Variants in CIMIP6 observed in about 807,000 individuals in gnomAD.
CIMIP6 encodes the protein uncharacterized protein C2orf73.
At chr2:54,357,717 T>C in the CIMIP6 span, among the ~76,000 whole-genome samples, 14 of 151,308 alleles carry the variant, frequency 9.3e-5, no homozygotes, top group Admixed American at 2.0e-4. Flanking sequence ...GCTGGGACTA[T>C]AGGCGTTCAC....
the CIMIP6 span, among the ~76,000 whole-genome samples, chr2:54,349,104 C>T: frequency 6.6e-6 from 1 of 152,152 alleles, no homozygotes; most frequent in South Asian, 2.1e-4. Context: ...TTTCAATGTT[C>T]TTTTGAATTG....
the CIMIP6 span, among the ~76,000 whole-genome samples, chr2:54,333,074 G>A: frequency 1.9e-3 from 282 of 152,274 alleles, 2 homozygotes; most frequent in African/African-American, 5.8e-3. Context: ...ATATGTAAAT[G>A]TTATAATGGC....
At chr2:54,364,499 T>C in the CIMIP6 span, among the ~76,000 whole-genome samples, 1 of 152,168 alleles carries the variant, frequency 6.6e-6, no homozygotes, top group Non-Finnish European at 1.5e-5. Flanking sequence ...CTTATAATAA[T>C]CCTATGAAGC....
At chr2:54,331,543 C>T in the CIMIP6 span, among the ~76,000 whole-genome samples, 1 of 152,044 alleles carries the variant, frequency 6.6e-6, no homozygotes. Flanking sequence ...CACAACACGC[C>T]CCTTACCGTT....
At chr2:54,345,235 GAC>G in the CIMIP6 span, among the ~76,000 whole-genome samples, 1 of 152,122 alleles carries the variant, frequency 6.6e-6, no homozygotes, top group South Asian at 2.1e-4. Context: ...AAGACCCTAA[GAC>G]ACAGAAAGAA....
chr2:54,331,198 G>A, the CIMIP6 span, among the ~76,000 whole-genome samples: 3 of 152,130 alleles, frequency 2.0e-5, no homozygotes, highest in African/African-American at 7.2e-5. Context: ...GTGTGTCAGG[G>A]ACTTGACTTG....
chr2:54,363,514 A>G, the CIMIP6 span, among the ~76,000 whole-genome samples: 1 of 152,156 alleles, frequency 6.6e-6, no homozygotes, highest in Non-Finnish European at 1.5e-5. Flanking sequence ...ACCTCTTCAT[A>G]TTCATTGACT....
the CIMIP6 span, among the ~76,000 whole-genome samples, chr2:54,366,328 G>T: frequency 6.6e-6 from 1 of 152,144 alleles, no homozygotes; most frequent in Non-Finnish European, 1.5e-5. Context: ...AAAATGCAAG[G>T]ATCCTTGAGC....
At chr2:54,376,801 C>A in the CIMIP6 span, among the ~76,000 whole-genome samples, 1,136 of 152,306 alleles carry the variant, frequency 7.5e-3, 8 homozygotes, top group Non-Finnish European at 0.011. Flanking sequence ...CACTGAGGCC[C>A]AGGAAGCTGA....
At chr2:54,365,228 C>G in the CIMIP6 span, among the ~76,000 whole-genome samples, 3 of 152,066 alleles carry the variant, frequency 2.0e-5, no homozygotes, top group Non-Finnish European at 4.4e-5. Context: ...GAGTGGGGTC[C>G]AGTGTGTATT....
At chr2:54,369,818 G>C in the CIMIP6 span, among the ~76,000 whole-genome samples, 1 of 152,176 alleles carries the variant, frequency 6.6e-6, no homozygotes, top group African/African-American at 2.4e-5. Flanking sequence ...GGGGCATGAA[G>C]GGCATCCCCA....
chr2:54,336,709 A>G, the CIMIP6 span, among the ~76,000 whole-genome samples: 1 of 152,212 alleles, frequency 6.6e-6, no homozygotes, highest in Admixed American at 6.5e-5. Context: ...GGCAGCATGC[A>G]AGGCAGGGTA....
chr2:54,339,848 C>A, the CIMIP6 span: 1 of 218,686 alleles, frequency 4.6e-6, no homozygotes, highest in Non-Finnish European at 6.6e-6. Context: ...ACTAGTTCCT[C>A]TAGGATACTT....
At chr2:54,348,599 A>T in the CIMIP6 span, among the ~76,000 whole-genome samples, 1 of 152,208 alleles carries the variant, frequency 6.6e-6, no homozygotes, top group Admixed American at 6.5e-5. Context: ...CCTGCAATTT[A>T]TTCATATTTC....
chr2:54,336,884 C>A, the CIMIP6 span, among the ~76,000 whole-genome samples: 61 of 152,268 alleles, frequency 4.0e-4, no homozygotes, highest in African/African-American at 1.4e-3. Context: ...AACATTAGCT[C>A]TTAGTAGCAG....
chr2:54,352,792 T>G, the CIMIP6 span, among the ~76,000 whole-genome samples: 1 of 152,236 alleles, frequency 6.6e-6, no homozygotes, highest in Non-Finnish European at 1.5e-5. Flanking sequence ...CTTAATACAA[T>G]GTAAATGCCA....
chr2:54,369,995 C>T, the CIMIP6 span, among the ~76,000 whole-genome samples: 1 of 152,164 alleles, frequency 6.6e-6, no homozygotes, highest in South Asian at 2.1e-4. Context: ...TAGTGGCTCA[C>T]ACCTGTAATT....
At chr2:54,341,318 CT>C in the CIMIP6 span, among the ~76,000 whole-genome samples, 1 of 152,150 alleles carries the variant, frequency 6.6e-6, no homozygotes, top group African/African-American at 2.4e-5. Flanking sequence ...GTTTTGTCCC[CT>C]GTTGCCCTCT....
chr2:54,356,281 G>T, the CIMIP6 span, among the ~76,000 whole-genome samples: 6 of 152,168 alleles, frequency 3.9e-5, no homozygotes, highest in Non-Finnish European at 8.8e-5. Context: ...TCATCAGCTC[G>T]TTATCCTGGA....
Sources: allele counts gnomAD v4.1 joint callset (sites outside exome capture counted in the v4.1 genomes callset), GRCh38; gene constraint gnomAD v4.1.1; transcripts MANE v1.5; gene names NCBI Gene and HGNC (gene_info 2026-07-23, HGNC 2026-07-21).